PLEKHA1: variants seen among roughly 807,000 people sequenced by gnomAD.
PLEKHA1 encodes pleckstrin homology domain-containing family A member 1.
Under a neutral mutation model 52.0 loss-of-function variants are expected in PLEKHA1, and 34 were observed. The ratio of observed to expected loss-of-function variants is 0.65; its 90% CI spans 0.50 to 0.87. The LOEUF (loss-of-function observed/expected upper bound fraction) is 0.87, where lower values mean the gene tolerates loss of function less well. Ranked by LOEUF, PLEKHA1 falls within the 40% of genes least tolerant of loss-of-function variation. The pLI, the probability that PLEKHA1 is intolerant of heterozygous loss-of-function variation, is 0.00. For missense variants in PLEKHA1, 497 were observed against 504.2 expected, an observed-to-expected ratio of 0.99 and a Z score of 0.14; for synonymous variants, 163 against 170.7, an observed-to-expected ratio of 0.95 and a Z score of 0.35.
At chr10:122,401,065 G>A (rs8181474) in intron 4 of PLEKHA1, among the ~76,000 whole-genome samples, 49,648 of 152,068 alleles carry the variant, frequency 0.33, 8,545 homozygotes, top group Non-Finnish European at 0.4. Flanking sequence ...TTGGTGGCCA[G>A]CTAGCCTCCT....
the PLEKHA1 span, chr10:122,438,839 T>C: frequency 6.6e-6 from 1 of 151,116 alleles, no homozygotes; most frequent in African/African-American, 2.4e-5. Context: ...ATACATGAAA[T>C]ACACTAACAT....
At chr10:122,432,591 T>TA (rs1443111538), downstream of PLEKHA1, 3 of 152,196 alleles carry the variant, frequency 2.0e-5, no homozygotes, top group Non-Finnish European at 4.4e-5. Flanking sequence ...TTTTCTTAAT[T>TA]AAAAAACATG....
In PLEKHA1 at chr10:122,431,498, T is replaced by C. The variant is rs2097416756; in HGVS notation, c.*1560T>C. On this transcript the variant is annotated 3_prime_UTR_variant, in exon 12 of 12. Transcript: ENST00000368990. The stretch of plus-strand genomic sequence containing the variant: ...CTTGAATTTCACATGCTGCTATTTT[T>C]ATATTTTGCCATTTTACAGTACTGT... The C allele has an allele frequency of 6.6e-6, 1 of 152,666 alleles. No homozygotes were observed. The highest frequency in any genetic ancestry group is 2.4e-5 in the African/African-American group (1 of 41,462). The allele number at this position is 152,666 out of a possible 1,614,324, so 9.5% of individuals were successfully genotyped here. A position where few individuals can be genotyped will look rare whatever the true frequency, so the allele number is the denominator to read the frequency against.
chr10:122,412,972 G>A lies in PLEKHA1; in HGVS notation c.395G>A (p.Gly132Asp). 6.2e-7 allele frequency: 1 copy of A among 1,613,532 alleles called. No homozygotes were observed. ...AATTCTGATAACCTAAGTCGCCATG[G>A]TGAATGTGGGAAAAAGCAAGTGTCT... ...QPNSDNLSRHGECGKKQVSYR... is the reference protein window; with the variant it reads ...QPNSDNLSRHDECGKKQVSYR... The change falls in exon 6 of 12, where the codon GGT (glycine) becomes GAT (aspartate). Residue 132 changes from glycine to aspartate, a missense_variant. By Grantham distance (94) the Gly-to-Asp change is moderately conservative. Transcript: ENST00000368990.
intron 8 of PLEKHA1, chr10:122,421,054 T>C (rs2097253589): frequency 6.6e-6 from 1 of 152,206 alleles, no homozygotes. Flanking sequence ...TTACATAGTT[T>C]CAAAGTACCT....
In PLEKHA1 at chr10:122,424,179, T is replaced by G; in HGVS notation, c.682-20T>G. 3.5e-6 allele frequency: 5 copies of G among 1,444,526 alleles called. No homozygotes were observed. Among genetic ancestry groups the G allele is most frequent in the Non-Finnish European group, 4.5e-6 (5 of 1,110,892 alleles). The allele number at this position is 1,444,526 out of a possible 1,614,324, so 89.5% of individuals were successfully genotyped here. A position where few individuals can be genotyped will look rare whatever the true frequency, so the allele number is the denominator to read the frequency against. On this transcript the variant is annotated intron_variant, in intron 8 of 11. Transcript: ENST00000368990. ...ATAAACATCATGTAACTGTTTTTTTTTTTTTTTTTTTTTTGCCAGGAAAAG... is the reference window on the plus strand; with the variant it reads ...ATAAACATCATGTAACTGTTTTTTTGTTTTTTTTTTTTTTGCCAGGAAAAG...
At chr10:122,441,956 T>G in the PLEKHA1 span, 163 of 152,360 alleles carry the variant, frequency 1.1e-3, 1 homozygote, top group African/African-American at 3.8e-3. Context: ...CAGGGGACAC[T>G]GAGTAACGTG....
At chr10:122,377,703 T>C (rs973587142) in intron 1 of PLEKHA1, among the ~76,000 whole-genome samples, 5 of 152,238 alleles carry the variant, frequency 3.3e-5, no homozygotes, top group African/African-American at 1.2e-4. Flanking sequence ...CTGAGCAATA[T>C]TAAACCATTT....
At chr10:122,414,806 A>T (rs1008557295) in intron 6 of PLEKHA1, among the ~76,000 whole-genome samples, 1 of 152,146 alleles carries the variant, frequency 6.6e-6, no homozygotes, top group Non-Finnish European at 1.5e-5. Context: ...AATGCTGCCA[A>T]GGTTGAGGAG....
chr10:122,417,279 T>A (rs2097190310), intron 7 of PLEKHA1, among the ~76,000 whole-genome samples: 1 of 151,928 alleles, frequency 6.6e-6, no homozygotes, highest in Admixed American at 6.6e-5. Flanking sequence ...TGTTTGCTCT[T>A]TACATGGGGT....
intron 1 of PLEKHA1, among the ~76,000 whole-genome samples, chr10:122,376,235 C>T (rs1043478977): frequency 6.6e-6 from 1 of 151,982 alleles, no homozygotes; most frequent in Non-Finnish European, 1.5e-5. Context: ...CTTAATTTTT[C>T]CTGTTGACAC....
chr10:122,440,435 C>A, the PLEKHA1 span: 1 of 152,216 alleles, frequency 6.6e-6, no homozygotes, highest in Non-Finnish European at 1.5e-5. Flanking sequence ...ATTATTTGTG[C>A]TGTTTCTTCT....
the PLEKHA1 span, chr10:122,437,851 G>C: frequency 6.6e-6 from 1 of 152,402 alleles, no homozygotes; most frequent in African/African-American, 2.4e-5. Context: ...ATCTTGCCAG[G>C]GCCTGTTCTG....
chr10:122,406,206 C>T (rs193272353), intron 4 of PLEKHA1, among the ~76,000 whole-genome samples: 25 of 152,210 alleles, frequency 1.6e-4, no homozygotes, highest in African/African-American at 5.1e-4. Flanking sequence ...TTGTCTTTGA[C>T]CCAACAAATC....
intron 1 of PLEKHA1, among the ~76,000 whole-genome samples, chr10:122,379,225 G>A (rs187227319): frequency 6.6e-6 from 1 of 152,288 alleles, no homozygotes; most frequent in East Asian, 1.9e-4. Flanking sequence ...GTGAGTCGGG[G>A]TGGAGATCTT....
chr10:122,387,354 G>C (rs1243539312), intron 1 of PLEKHA1: 2 of 151,888 alleles, frequency 1.3e-5, no homozygotes, highest in Non-Finnish European at 2.9e-5. Flanking sequence ...TTTTCATTTA[G>C]TTAAGAATGT....
At chr10:122,415,392 T>C (rs1590778092) in intron 6 of PLEKHA1, among the ~76,000 whole-genome samples, 1 of 152,218 alleles carries the variant, frequency 6.6e-6, no homozygotes, top group Admixed American at 6.5e-5. Flanking sequence ...TCTACACATG[T>C]GATAAAACTG....
intron 6 of PLEKHA1, among the ~76,000 whole-genome samples, chr10:122,414,060 G>C (rs963043688): frequency 5.9e-5 from 9 of 152,076 alleles, no homozygotes; most frequent in Non-Finnish European, 8.8e-5. Flanking sequence ...TGCTGTCATA[G>C]AGCATACATT....
intron 1 of PLEKHA1, among the ~76,000 whole-genome samples, chr10:122,384,926 C>T (rs920358045): frequency 1.3e-5 from 2 of 152,100 alleles, no homozygotes; most frequent in Admixed American, 6.6e-5. Context: ...GACTGCACTG[C>T]AGTCTGGGCA....
Sources: allele counts gnomAD v4.1 joint callset (sites outside exome capture counted in the v4.1 genomes callset), GRCh38; gene constraint gnomAD v4.1.1; transcripts MANE v1.5; gene names NCBI Gene and HGNC (gene_info 2026-07-23, HGNC 2026-07-21).